The following ELMO2 variants were observed in gnomAD, a reference collection of about 807,000 sequenced individuals.
ELMO2 encodes engulfment and cell motility protein 2.
ELMO2 carries 37 observed loss-of-function variants against 96.2 expected under a neutral mutation model. The observed-to-expected ratio is 0.38, with a 90% confidence interval of 0.30 to 0.51. The LOEUF is 0.51. Ranked by LOEUF, ELMO2 falls within the 20% of genes least tolerant of loss-of-function variation. ELMO2 has a pLI of 0.88. For synonymous variants in ELMO2, 315 were observed against 329.4 expected, an observed-to-expected ratio of 0.96 and a Z score of 0.47; for missense variants, 561 against 912.6, an observed-to-expected ratio of 0.61 and a Z score of 4.96.
chr20:46,406,049 A>G (rs2060433920), intron 1 of ELMO2, among the ~76,000 whole-genome samples: 1 of 152,298 alleles, frequency 6.6e-6, no homozygotes. Flanking sequence ...GGTGGAAAGT[A>G]CATGCACCGG....
intron 7 of ELMO2, chr20:46,387,883 C>G (rs752520328): frequency 3.9e-5 from 6 of 153,504 alleles, no homozygotes; most frequent in Non-Finnish European, 5.8e-5. Flanking sequence ...CAAATTTTAT[C>G]TTTTCAAAAT....
rs780339499 is a variant in ELMO2, at chr20:46,389,200, C to T, written c.264G>A (p.Leu88=). Residue 88 remains leucine (L), a synonymous_variant, in exon 7 of 22, where the codon CTG becomes CTA. Coordinates refer to ENST00000290246, the MANE Select transcript of ELMO2 (RefSeq NM_133171.5). ...TGTTGGATGACTGGGTCCTCTCCAT[C>T]AGCTGGCGTGCAGCCCGGGACTAGG... is the stretch of plus-strand genomic sequence containing the variant. ...AISPSRAARQ[L]MERTQSSNME... 6.2e-7 allele frequency: 1 copy of T among 1,614,076 alleles called. No individual in the cohort carries two copies. The highest frequency in any genetic ancestry group is 8.5e-7 in the Non-Finnish European group (1 of 1,179,964).
Position 46,374,405 on chromosome 20 carries a change from A to G in ELMO2, c.1206T>C (p.His402=). 1 of 1,614,140 alleles carries G rather than the reference A, an allele frequency of 6.2e-7. No homozygotes were observed. Among genetic ancestry groups the G allele is most frequent in the Non-Finnish European group, 8.5e-7 (1 of 1,180,020 alleles). ...TGGCACTGCGGCCAAAGGGGCATTC[A>G]TGTTTGTCTTCCCGGCTACTGTTCT... ...VLENSSREDK[H]ECPFGRSAIE... The change falls in exon 15 of 22, where the codon CAT becomes CAC. Residue 402 remains histidine (H), a synonymous_variant. Coordinates refer to ENST00000290246, the MANE Select transcript of ELMO2 (RefSeq NM_133171.5).
intron 8 of ELMO2, among the ~76,000 whole-genome samples, chr20:46,386,715 A>C (rs1419760838): frequency 6.6e-6 from 1 of 152,178 alleles, no homozygotes; most frequent in East Asian, 1.9e-4. Flanking sequence ...TCCCCATTAT[A>C]ATATCCTTGA....
chr20:46,383,411 C>T lies in ELMO2; in HGVS notation c.756+5G>A. On this transcript the variant is annotated splice_donor_5th_base_variant and intron_variant, in intron 10 of 21. Transcript: ENST00000290246. ...GATGAAAAATGTGAAAAGGCAGCCA[C>T]AGACCTGTCGTTTGTCCTCAGGAGC... 1 of 1,613,906 alleles carries T rather than the reference C, an allele frequency of 6.2e-7. No individual in the cohort carries two copies. Among genetic ancestry groups the T allele is most frequent in the East Asian group, 2.2e-5 (1 of 44,886 alleles).
chr20:46,381,804 C>T (rs1469582329), intron 10 of ELMO2, among the ~76,000 whole-genome samples: 4 of 152,188 alleles, frequency 2.6e-5, no homozygotes, highest in Non-Finnish European at 4.4e-5. Flanking sequence ...TAAACCTTTT[C>T]GGATTCCCAC....
intron 7 of ELMO2, among the ~76,000 whole-genome samples, chr20:46,388,822 G>A (rs8117970): frequency 0.057 from 8,688 of 152,174 alleles, 792 homozygotes; most frequent in African/African-American, 0.19. Flanking sequence ...GTTTTGTACT[G>A]TTATTTAATT....
chr20:46,389,199 T>A lies in ELMO2; in HGVS notation c.265A>T (p.Met89Leu), dbSNP rs1401098266. Reference protein sequence around the residue: ...ISPSRAARQLMERTQSSNMET... With the variant: ...ISPSRAARQLLERTQSSNMET... ...ATGTTGGATGACTGGGTCCTCTCCATCAGCTGGCGTGCAGCCCGGGACTAG... is the reference window on the plus strand; with the variant it reads ...ATGTTGGATGACTGGGTCCTCTCCAACAGCTGGCGTGCAGCCCGGGACTAG... Residue 89 changes from methionine (M) to leucine (L), a missense_variant, in exon 7 of 22, where the codon ATG becomes TTG. Coordinates refer to ENST00000290246, the MANE Select transcript of ELMO2 (RefSeq NM_133171.5). 6.2e-7 allele frequency: 1 copy of A among 1,614,092 alleles called. No homozygotes were observed. The highest frequency in any genetic ancestry group is 8.5e-7 in the Non-Finnish European group (1 of 1,179,980).
At position 46,398,703 on chromosome 20, in the gene ELMO2, G is replaced by T. The variant is rs749694259; in HGVS notation, c.-57C>A. 8.5e-5 allele frequency: 13 copies of T among 152,092 alleles called. No individual in the cohort carries two copies. Among genetic ancestry groups the T allele is most frequent in the Non-Finnish European group, 1.9e-4 (13 of 68,016 alleles). 9.4% of individuals were successfully genotyped at this position (152,092 alleles called of 1,614,324 possible). A position where few individuals can be genotyped will look rare whatever the true frequency, so the allele number is the denominator to read the frequency against. On this transcript the variant is annotated 5_prime_UTR_variant, in exon 2 of 22. In the 5' UTR this introduces an upstream ATG that the reference lacks. Coordinates refer to ENST00000290246, the MANE Select transcript of ELMO2 (RefSeq NM_133171.5). ...CTCTGAAAAACATTCCTACCTTACA[G>T]GTAAGGCAACTGAAGTTCAGACGGA...
At chr20:46,382,767 CA>C (rs1311267212) in intron 10 of ELMO2, among the ~76,000 whole-genome samples, 2 of 152,184 alleles carry the variant, frequency 1.3e-5, no homozygotes, top group African/African-American at 4.8e-5. Flanking sequence ...GTAAACAAGG[CA>C]GATGTTGTTG....
At chr20:46,397,908 G>A (rs1042967196) in intron 2 of ELMO2, among the ~76,000 whole-genome samples, 1 of 152,218 alleles carries the variant, frequency 6.6e-6, no homozygotes, top group African/African-American at 2.4e-5. Context: ...AAATCAGAAA[G>A]AGATGGAAAA....
intron 11 of ELMO2, chr20:46,379,868 C>T (rs1393299354): frequency 1.8e-5 from 3 of 162,548 alleles, no homozygotes; most frequent in Non-Finnish European, 4.1e-5. Context: ...AGAGCAAATA[C>T]ACTTGCTTAC....
At chr20:46,400,006 G>A (rs1393658043) in intron 1 of ELMO2, among the ~76,000 whole-genome samples, 8 of 152,196 alleles carry the variant, frequency 5.3e-5, no homozygotes, top group South Asian at 4.1e-4. Flanking sequence ...GCATGGTGGC[G>A]TGTGCCTGTA....
chr20:46,381,842 G>A (rs1372002980), intron 10 of ELMO2, among the ~76,000 whole-genome samples: 1 of 152,160 alleles, frequency 6.6e-6, no homozygotes, highest in Non-Finnish European at 1.5e-5. Flanking sequence ...AAAAGGGCAC[G>A]GATACCTTTT....
At chr20:46,376,039 G>A (rs2059854018) in intron 11 of ELMO2, among the ~76,000 whole-genome samples, 1 of 152,166 alleles carries the variant, frequency 6.6e-6, no homozygotes, top group African/African-American at 2.4e-5. Context: ...CAGAGTGAAG[G>A]CAGGGGCTAT....
Position 46,394,004 on chromosome 20 carries a change from C to T in ELMO2, c.119+45G>A, listed in dbSNP as rs775833056. The stretch of plus-strand genomic sequence containing the variant: ...CCCTCAAGGTGTAGGAGTGCTCTTT[C>T]AGTCGGAGCTGCCACTGTTGAAAAC... On this transcript the variant is annotated intron_variant, in intron 4 of 21. Coordinates refer to ENST00000290246, the MANE Select transcript of ELMO2 (RefSeq NM_133171.5). 77 of 1,612,946 alleles carry T rather than the reference C, an allele frequency of 4.8e-5. No individual in the cohort carries two copies. In the South Asian group the frequency reaches 7.4e-4, roughly 15 times the overall value.
chr20:46,383,503 A>G lies in ELMO2; in HGVS notation c.678-9T>C, dbSNP rs369306815. The G allele has an allele frequency of 2.9e-4, 463 of 1,612,764 alleles. No homozygotes were observed. The highest frequency in any genetic ancestry group is 1.2e-4 in the Non-Finnish European group (138 of 1,178,832). ...GAATCTCCTGGTTGGAGCTGTGTCA[A>G]TGGAGAAAGAAGAGAGAGGGAGATT... On this transcript the variant is annotated splice_polypyrimidine_tract_variant and intron_variant, in intron 9 of 21. Transcript: ENST00000290246.
chr20:46,375,668 C>G lies in ELMO2; in HGVS notation c.930G>C (p.Gln310His). 6.2e-7 allele frequency: 1 copy of G among 1,614,090 alleles called. No individual in the cohort carries two copies. The highest frequency in any genetic ancestry group is 8.5e-7 in the Non-Finnish European group (1 of 1,179,942). ...RMMTKMDPNDQAQRDIIFELR... is the reference protein window; with the variant it reads ...RMMTKMDPNDHAQRDIIFELR... ...AACAGCTGCCCCACTTAGCACCTACCTGGTCATTGGGGTCCATCTTGGTCA... is the reference window on the plus strand; with the variant it reads ...AACAGCTGCCCCACTTAGCACCTACGTGGTCATTGGGGTCCATCTTGGTCA... Residue 310 changes from glutamine (Q) to histidine (H), a missense_variant and splice_region_variant, in exon 12 of 22, where the codon CAG (glutamine) becomes CAC (histidine). Gln to His is a conservative substitution (Grantham distance 24, BLOSUM62 0). Transcript: ENST00000290246. This position sits in a 1 kb window ranked among gnomAD's most constrained non-coding sequence, Gnocchi z 4.6.
At chr20:46,378,241 G>A (rs1183871359) in intron 11 of ELMO2, among the ~76,000 whole-genome samples, 2 of 152,106 alleles carry the variant, frequency 1.3e-5, no homozygotes, top group Non-Finnish European at 2.9e-5. Flanking sequence ...GTATCTCAGG[G>A]TCTTAGTTCT....
Sources: gnomAD v4.1 joint callset for allele counts (sites outside exome capture counted in the v4.1 genomes callset) on GRCh38, gnomAD v4.1.1 for gene constraint, Gnocchi (gnomAD v3.1) non-coding constraint, MANE v1.5 for transcripts, NCBI Gene and HGNC (gene_info 2026-07-23, HGNC 2026-07-21) for gene names.